ELMO1: variants seen among roughly 807,000 people sequenced by gnomAD.
The protein encoded by ELMO1 is engulfment and cell motility protein 1.
A neutral mutation model predicts 98.9 loss-of-function variants in ELMO1; 26 were observed. The ratio of observed to expected loss-of-function variants is 0.26; its 90% CI spans 0.19 to 0.36. The LOEUF (loss-of-function observed/expected upper bound fraction) is 0.36. Among genes scored for constraint, ELMO1 ranks in the 10% least tolerant of loss-of-function variants. The pLI is 1.00. For missense variants in ELMO1, 627 were observed against 935.2 expected, an observed-to-expected ratio of 0.67 and a Z score of 4.30; for synonymous variants, 346 against 346.0, an observed-to-expected ratio of 1.00 and a Z score of 0.00.
At chr7:37,420,548 G>C (rs534051293) in intron 1 of ELMO1, among the ~76,000 whole-genome samples, 2 of 152,326 alleles carry the variant, frequency 1.3e-5, no homozygotes, top group Admixed American at 6.5e-5. Context: ...CAAGCACAGA[G>C]CTAAACTACA....
chr7:37,026,293 T>TG (rs1794574904), intron 15 of ELMO1, among the ~76,000 whole-genome samples: 1 of 152,170 alleles, frequency 6.6e-6, no homozygotes, highest in South Asian at 2.1e-4. Flanking sequence ...TGCAGAGCCA[T>TG]GGTGTGACTT....
chr7:37,196,982 C>T (rs993502558), intron 13 of ELMO1: 1 of 152,150 alleles, frequency 6.6e-6, no homozygotes, highest in African/African-American at 2.4e-5. Context: ...CAGTAGAAAC[C>T]CTAGCAGGCA....
chr7:37,074,062 A>C (rs1048437433), intron 15 of ELMO1, among the ~76,000 whole-genome samples: 1 of 148,748 alleles, frequency 6.7e-6, no homozygotes, highest in East Asian at 1.9e-4. Context: ...GTTATAATAC[A>C]GTATAATTAA....
intron 6 of ELMO1, among the ~76,000 whole-genome samples, chr7:37,250,874 C>T (rs896117530): frequency 3.9e-5 from 6 of 151,912 alleles, no homozygotes; most frequent in Non-Finnish European, 7.4e-5. Flanking sequence ...GTTGACTTTC[C>T]TGCCCAGGGT....
intron 13 of ELMO1, among the ~76,000 whole-genome samples, chr7:37,141,167 G>A (rs1410633189): frequency 6.6e-6 from 1 of 152,160 alleles, no homozygotes; most frequent in Non-Finnish European, 1.5e-5. Context: ...TAAAGAAAAC[G>A]TGGCATATTT....
At chr7:37,059,076 A>G (rs1796537928) in intron 15 of ELMO1, among the ~76,000 whole-genome samples, 1 of 152,094 alleles carries the variant, frequency 6.6e-6, no homozygotes, top group Non-Finnish European at 1.5e-5. Flanking sequence ...CTCAGATGAG[A>G]GTTTCATGCT....
intron 1 of ELMO1, among the ~76,000 whole-genome samples, chr7:37,397,785 TG>T (rs1803361165): frequency 1.3e-5 from 2 of 152,122 alleles, no homozygotes; most frequent in Non-Finnish European, 2.9e-5. Flanking sequence ...ATAAAGAAAA[TG>T]TAGTACATAT....
chr7:37,115,700 G>A (rs1430814414), intron 14 of ELMO1, among the ~76,000 whole-genome samples: 1 of 151,074 alleles, frequency 6.6e-6, no homozygotes, highest in African/African-American at 2.4e-5. Flanking sequence ...TAAGATGGTC[G>A]CTCCTATCAC....
At chr7:37,305,714 C>T (rs1798578382) in intron 4 of ELMO1, among the ~76,000 whole-genome samples, 1 of 152,138 alleles carries the variant, frequency 6.6e-6, no homozygotes, top group African/African-American at 2.4e-5. Flanking sequence ...AACTATGTAA[C>T]ATAAAACCCA....
chr7:37,122,071 A>T (rs960858264), intron 14 of ELMO1, among the ~76,000 whole-genome samples: 7 of 152,214 alleles, frequency 4.6e-5, no homozygotes, highest in African/African-American at 1.7e-4. Context: ...AATCCTTTAG[A>T]GACAAACAAA....
At chr7:36,997,877 G>A (rs1792336662) in intron 16 of ELMO1, 1 of 152,450 alleles carries the variant, frequency 6.6e-6, no homozygotes, top group Non-Finnish European at 1.5e-5. Flanking sequence ...CCAGGGAACA[G>A]GATGAACAAG....
At chr7:37,420,354 A>G (rs1415340535) in intron 1 of ELMO1, among the ~76,000 whole-genome samples, 1 of 152,204 alleles carries the variant, frequency 6.6e-6, no homozygotes, top group African/African-American at 2.4e-5. Context: ...AAGCTAAGAA[A>G]CCGTAATCTT....
At chr7:37,314,957 G>GA (rs539831496) in intron 3 of ELMO1, 35 bp from the exon 4 acceptor site, 5 of 1,583,550 alleles carry the variant, frequency 3.2e-6, no homozygotes, top group Non-Finnish European at 4.3e-6. Flanking sequence ...TTAGAAAAAT[G>GA]AAAGTGGCCA....
At chr7:36,927,701 T>C (rs1477635140) in intron 16 of ELMO1, among the ~76,000 whole-genome samples, 1 of 152,232 alleles carries the variant, frequency 6.6e-6, no homozygotes, top group East Asian at 1.9e-4. Flanking sequence ...CAGACTATTT[T>C]GTTTTTGGTA....
At chr7:36,868,518 TG>T (rs1362721571) in intron 20 of ELMO1, among the ~76,000 whole-genome samples, 3 of 152,106 alleles carry the variant, frequency 2.0e-5, no homozygotes, top group East Asian at 1.9e-4. Context: ...GCTAATTTTT[TG>T]TATTTTTAGT....
intron 16 of ELMO1, among the ~76,000 whole-genome samples, chr7:36,947,551 G>T (rs1395957413): frequency 6.6e-6 from 1 of 152,136 alleles, no homozygotes; most frequent in Non-Finnish European, 1.5e-5. Flanking sequence ...GCTTGGATCA[G>T]GCGTTGGCCT....
chr7:37,443,651 A>C (rs1292652884), intron 1 of ELMO1, among the ~76,000 whole-genome samples: 1 of 152,248 alleles, frequency 6.6e-6, no homozygotes, highest in Non-Finnish European at 1.5e-5. Context: ...GAATCATGAT[A>C]TGGCTTTGCA....
chr7:37,296,068 A>T (rs1798013560), intron 4 of ELMO1, among the ~76,000 whole-genome samples: 1 of 152,332 alleles, frequency 6.6e-6, no homozygotes, highest in South Asian at 2.1e-4. Context: ...GTTTCTATGG[A>T]TCAGGAGTCT....
At chr7:37,069,492 T>C (rs1452773868) in intron 15 of ELMO1, among the ~76,000 whole-genome samples, 1 of 152,146 alleles carries the variant, frequency 6.6e-6, no homozygotes, top group Non-Finnish European at 1.5e-5. Context: ...TTCTAGCAGC[T>C]GCAAACATGA....
Sources: gnomAD v4.1 joint callset for allele counts (sites outside exome capture counted in the v4.1 genomes callset) on GRCh38, gnomAD v4.1.1 for gene constraint, MANE v1.5 for transcripts, NCBI Gene and HGNC (gene_info 2026-07-23, HGNC 2026-07-21) for gene names.